The following WDR11 variants were observed in gnomAD, a reference collection of about 807,000 sequenced individuals.
The protein encoded by WDR11 is WD repeat-containing protein 11.
Under a neutral mutation model 151.2 loss-of-function variants are expected in WDR11, and 83 were observed. That is an observed-to-expected ratio of 0.55 (90% CI 0.46 to 0.66). WDR11 has a LOEUF of 0.66. Ranked by LOEUF, WDR11 falls within the 30% of genes least tolerant of loss-of-function variation. The probability of loss-of-function intolerance (pLI) is 0.00; values close to 1 mark genes in which losing one functional copy is unlikely to be tolerated. For missense variants in WDR11, 1,301 were observed against 1,480.9 expected (o/e 0.88, Z 1.99); for synonymous variants, 484 against 533.1 (o/e 0.91, Z 1.27).
intron 10 of WDR11, 96 bp downstream of exon 10, chr10:120,871,442 C>A: frequency 7.6e-7 from 1 of 1,313,744 alleles, no homozygotes; most frequent in Non-Finnish European, 1.1e-6. Context: ...TTTGAGGATG[C>A]TTTAAAAGGA....
chr10:120,907,140 G>A (rs1446543317), intron 28 of WDR11, among the ~76,000 whole-genome samples: 2 of 152,120 alleles, frequency 1.3e-5, no homozygotes, highest in Non-Finnish European at 2.9e-5. Context: ...TTAAAAAGAA[G>A]ATGAAGGAAT....
chr10:120,896,631 G>A (rs960636211), intron 19 of WDR11, among the ~76,000 whole-genome samples: 1 of 152,180 alleles, frequency 6.6e-6, no homozygotes. Flanking sequence ...GCTAAGGAAT[G>A]TTGAACTTTA....
At position 120,858,815 on chromosome 10, in the gene WDR11, G is replaced by A. The variant is rs536477833; in HGVS notation, c.352+19G>A. ...ATCCAGGGTGAGGAAAGTCTGCTCAGCTAAGTGTGTATATTGATACACTTA... is the reference window on the plus strand; with the variant it reads ...ATCCAGGGTGAGGAAAGTCTGCTCAACTAAGTGTGTATATTGATACACTTA... On this transcript the variant is annotated intron_variant, in intron 3 of 28. Transcript: ENST00000263461. 9 of 1,614,068 alleles carry A rather than the reference G, an allele frequency of 5.6e-6. No individual in the cohort carries two copies. In the African/African-American group the frequency reaches 1.2e-4, roughly 22 times the overall value.
rs576801845 is a variant in WDR11 at position 120,854,256 on chromosome 10, T to G, written c.198+1621T>G. Among the ~76,000 whole-genome samples the G allele has an allele frequency of 1.7e-4, 26 of 152,330 alleles. No homozygotes were observed. The South Asian group carries it at 5.2e-3, about 30-fold the overall frequency. On this transcript the variant is annotated intron_variant, in intron 2 of 28. Transcript: ENST00000263461. ...CTGTAGACTGGCCCATTCTGGGGAT[T>G]TTATATAAATTGAATCATATAATTT...
intron 19 of WDR11, among the ~76,000 whole-genome samples, chr10:120,897,264 C>T (rs1357468530): frequency 2.6e-5 from 4 of 151,948 alleles, no homozygotes; most frequent in Admixed American, 6.6e-5. Context: ...CTGACAAATG[C>T]GGAAAGAATA....
intron 1 of WDR11, chr10:120,852,145 A>T (rs1385396830): frequency 3.7e-6 from 1 of 267,212 alleles, no homozygotes; most frequent in Non-Finnish European, 7.3e-6. Flanking sequence ...TTGTCGTTTT[A>T]TTTAGTTGGA....
chr10:120,891,963 G>C (rs762610749), intron 19 of WDR11, among the ~76,000 whole-genome samples: 1 of 152,112 alleles, frequency 6.6e-6, no homozygotes, highest in Non-Finnish European at 1.5e-5. Context: ...GGAAGCACCA[G>C]GATGGCCTCC....
At chr10:120,887,942 T>TA (rs2133788576) in intron 16 of WDR11, among the ~76,000 whole-genome samples, 1 of 152,306 alleles carries the variant, frequency 6.6e-6, no homozygotes, top group South Asian at 2.1e-4. Flanking sequence ...AATATTTTTT[T>TA]TTATTAATGG....
intron 9 of WDR11, 150 bp from the exon 10 acceptor site, chr10:120,871,020 T>G (rs1375641597): frequency 1.3e-6 from 1 of 775,508 alleles, no homozygotes; most frequent in South Asian, 1.8e-5. Flanking sequence ...ACAGAGTCAT[T>G]GTGTCCTTAA....
intron 5 of WDR11, among the ~76,000 whole-genome samples, chr10:120,863,236 T>C (rs934583302): frequency 6.6e-6 from 1 of 152,104 alleles, no homozygotes; most frequent in Non-Finnish European, 1.5e-5. Context: ...CATTAAAAAT[T>C]TGGGCACAAA....
At chr10:120,859,830 T>C (rs572390073) in intron 3 of WDR11, among the ~76,000 whole-genome samples, 28 of 152,200 alleles carry the variant, frequency 1.8e-4, no homozygotes, top group African/African-American at 6.7e-4. Flanking sequence ...TAAGTAATGA[T>C]TAGGGCAAAT....
intron 26 of WDR11, 177 bp downstream of exon 26, chr10:120,905,593 TA>T: frequency 1.3e-6 from 1 of 788,662 alleles, no homozygotes; most frequent in Non-Finnish European, 2.1e-6. Flanking sequence ...ATTACTTATT[TA>T]AAAATGGATC....
At chr10:120,853,754 T>C (rs938658662) in intron 2 of WDR11, among the ~76,000 whole-genome samples, 3 of 152,166 alleles carry the variant, frequency 2.0e-5, no homozygotes, top group Non-Finnish European at 4.4e-5. Context: ...AGAAGTCATG[T>C]TTAAGAGCAG....
intron 11 of WDR11, among the ~76,000 whole-genome samples, chr10:120,874,340 C>G (rs1846679188): frequency 6.6e-6 from 1 of 150,606 alleles, no homozygotes; most frequent in African/African-American, 2.4e-5. Context: ...CTTACGTTGC[C>G]TTGTTCAGGT....
intron 26 of WDR11, 180 bp from the exon 27 acceptor site, chr10:120,905,696 G>A: frequency 3.5e-6 from 4 of 1,142,984 alleles, no homozygotes; most frequent in South Asian, 1.4e-5. Flanking sequence ...GCCAGGCCCT[G>A]GGTCCCGTAG....
chr10:120,903,063 G>A lies in WDR11; in HGVS notation c.2762G>A (p.Gly921Asp), dbSNP rs764795921. 3 of 1,613,998 alleles carry A rather than the reference G, an allele frequency of 1.9e-6. No homozygotes were observed. Among genetic ancestry groups the A allele is most frequent in the South Asian group, 2.2e-5 (2 of 91,064 alleles). Residue 921 changes from glycine to aspartate, a missense_variant, in exon 23 of 29, where the codon GGT becomes GAT. Physicochemically the swap from Gly to Asp is moderately conservative, Grantham distance 94. This residue lies in a region of WDR11 where 589 missense variants were observed against 670.6 expected (regional missense o/e 0.88). Transcript: ENST00000263461. ...TGCTTCATCCTTGCCAGGCTCTATG[G>A]TGATGAATCGGAGCTGCACTTCTGG... ...QRCLLVSRLY[G>D]DESELHFWTV... is the part of the protein sequence containing the mutation.
chr10:120,874,767 A>G (rs895766254), intron 11 of WDR11, among the ~76,000 whole-genome samples: 28 of 150,966 alleles, frequency 1.9e-4, no homozygotes, highest in African/African-American at 6.6e-4. Flanking sequence ...ATAGTATTCC[A>G]TGGTGTGTAT....
At chr10:120,890,553 C>G (rs1044119942) in intron 18 of WDR11, among the ~76,000 whole-genome samples, 163 bp from the exon 19 acceptor site, 7 of 152,196 alleles carry the variant, frequency 4.6e-5, no homozygotes, top group Admixed American at 4.6e-4. Context: ...TCTCTGAGAC[C>G]TTTAAAATGC....
chr10:120,868,674 G>A (rs1306013030), intron 9 of WDR11: 1 of 152,138 alleles, frequency 6.6e-6, no homozygotes, highest in Non-Finnish European at 1.5e-5. Flanking sequence ...CACAATGGAA[G>A]AGCCCAAGTG....
Sources: allele counts gnomAD v4.1 joint callset (sites outside exome capture counted in the v4.1 genomes callset), GRCh38; gene constraint gnomAD v4.1.1; regional missense constraint gnomAD v4.1.1; transcripts MANE v1.5; gene names NCBI Gene and HGNC (gene_info 2026-07-23, HGNC 2026-07-21).